The following MYOM1 variants were observed in gnomAD, a reference collection of about 807,000 sequenced individuals.
MYOM1 encodes the protein myomesin 1.
In MYOM1, 164 loss-of-function variants were observed where a neutral mutation model predicts 205.3. The ratio of observed to expected loss-of-function variants is 0.80; its 90% CI spans 0.70 to 0.91. The LOEUF is 0.91. Among genes scored for constraint, MYOM1 ranks in the 40% least tolerant of loss-of-function variants. MYOM1 has a pLI of 0.00. For missense variants in MYOM1, 2,011 were observed against 2,127.3 expected (o/e 0.95, Z 1.08); for synonymous variants, 772 against 789.4 (o/e 0.98, Z 0.37).
intron 30 of MYOM1, 88 bp downstream of exon 30, chr18:3,085,950 G>T: frequency 1.3e-6 from 1 of 768,824 alleles, no homozygotes. Context: ...CCCTGGTCAT[G>T]AAAGGAATAC....
intron 19 of MYOM1, among the ~76,000 whole-genome samples, chr18:3,122,640 T>C (rs1409820013): frequency 6.6e-6 from 1 of 152,186 alleles, no homozygotes. Context: ...GCAAAAATCC[T>C]AAACGATAAT....
At chr18:3,241,332 C>T in the MYOM1 span, among the ~76,000 whole-genome samples, 1 of 152,142 alleles carries the variant, frequency 6.6e-6, no homozygotes, top group Non-Finnish European at 1.5e-5. Flanking sequence ...CTGCAGGCAG[C>T]CTAGGGACTT....
At chr18:3,242,023 A>C in the MYOM1 span, among the ~76,000 whole-genome samples, 1 of 152,308 alleles carries the variant, frequency 6.6e-6, no homozygotes, top group Middle Eastern at 3.4e-3. Flanking sequence ...GTATCTAGGA[A>C]GTAACTAACT....
At chr18:3,099,126 G>A (rs910735168) in intron 25 of MYOM1, among the ~76,000 whole-genome samples, 1 of 152,156 alleles carries the variant, frequency 6.6e-6, no homozygotes, top group Non-Finnish European at 1.5e-5. Flanking sequence ...GCCAAAGTTG[G>A]TTTTGAGAAC....
In MYOM1 at chr18:3,157,846, G is replaced by A. The variant is rs558893977; in HGVS notation, c.1502-2758C>T. ...GCTTCTAGCAGCTGCTACACAGTGTGGGGCCCACAGCACCCTTCAGACAAC... is the reference window on the plus strand; with the variant it reads ...GCTTCTAGCAGCTGCTACACAGTGTAGGGCCCACAGCACCCTTCAGACAAC... On this transcript the variant is annotated intron_variant, in intron 10 of 37. Coordinates refer to ENST00000356443, the MANE Select transcript of MYOM1 (RefSeq NM_003803.4). Among the ~76,000 whole-genome samples, 11 of 151,940 alleles carry A rather than the reference G, an allele frequency of 7.2e-5. No homozygotes were observed. The East Asian group carries it at 2.1e-3, about 29-fold the overall frequency.
chr18:3,233,981 A>AT, the MYOM1 span, among the ~76,000 whole-genome samples: 1 of 152,232 alleles, frequency 6.6e-6, no homozygotes, highest in African/African-American at 2.4e-5. Context: ...CAGGCTTTGA[A>AT]GTTATACAGA....
intron 4 of MYOM1, among the ~76,000 whole-genome samples, chr18:3,187,853 TTTTC>T (rs1489183322): frequency 0.015 from 2,235 of 150,416 alleles, 49 homozygotes; most frequent in African/African-American, 0.05. Context: ...TTTGATTTCT[TTTTC>T]TTTTTTTTTT....
At chr18:3,070,696 GT>G (rs1330535012) in intron 37 of MYOM1, among the ~76,000 whole-genome samples, 2 of 151,626 alleles carry the variant, frequency 1.3e-5, no homozygotes, top group Non-Finnish European at 2.9e-5. Context: ...GGTTACATCA[GT>G]TTAAAACCAA....
At chr18:3,195,831 T>G (rs1057408175) in intron 2 of MYOM1, among the ~76,000 whole-genome samples, 5 of 152,286 alleles carry the variant, frequency 3.3e-5, no homozygotes, top group African/African-American at 1.2e-4. Flanking sequence ...TTCTCACAAG[T>G]AAATCACAGG....
At chr18:3,142,613 CTTCTT>C (rs1243929819) in intron 13 of MYOM1, among the ~76,000 whole-genome samples, 1 of 151,850 alleles carries the variant, frequency 6.6e-6, no homozygotes, top group Non-Finnish European at 1.5e-5. Context: ...CTAGGATACT[CTTCTT>C]ATCTTTAAAT....
intron 10 of MYOM1, among the ~76,000 whole-genome samples, chr18:3,163,589 A>G (rs1014945588): frequency 3.9e-5 from 6 of 152,038 alleles, no homozygotes; most frequent in Admixed American, 3.9e-4. Flanking sequence ...AGTAGCTGAG[A>G]CTACAAGCGC....
chr18:3,180,336 G>A (rs914517339), intron 5 of MYOM1, among the ~76,000 whole-genome samples: 1 of 152,086 alleles, frequency 6.6e-6, no homozygotes, highest in Non-Finnish European at 1.5e-5. Context: ...AGAGCTTGTA[G>A]TCTTTTCTCT....
At position 3,174,118 on chromosome 18, in the gene MYOM1, ACTT is replaced by A; in HGVS notation, c.1110_1111+1del. On this transcript the variant is annotated splice_donor_variant and coding_sequence_variant, in exon 7 of 38. Coordinates refer to ENST00000356443, the MANE Select transcript of MYOM1 (RefSeq NM_003803.4). LOFTEE classifies it high-confidence loss of function. ...TGAAGAAAACAAATCTAGCAAACCT[ACTT>A]TTTACCACAACTGAAGCATATGCCG... 1 of 1,613,964 alleles carries A rather than the reference ACTT, an allele frequency of 6.2e-7. No homozygotes were observed. The highest frequency in any genetic ancestry group is 8.5e-7 in the Non-Finnish European group (1 of 1,179,840).
chr18:3,221,578 A>G (rs58137542), upstream of MYOM1, among the ~76,000 whole-genome samples: 1,168 of 152,372 alleles, frequency 7.7e-3, 18 homozygotes, highest in African/African-American at 0.026. Flanking sequence ...AACTTCATTC[A>G]GAGACATTTG....
In MYOM1 at chr18:3,135,343, T is replaced by C. The variant is rs1194175436; in HGVS notation, c.2209+204A>G. On this transcript the variant is annotated intron_variant, in intron 15 of 37. Transcript: ENST00000356443. The surrounding 1 kb of genome is among the most constrained non-coding windows in gnomAD (Gnocchi z 4.1). ...AACTTCAGAAAAAACACATTATCAA[T>C]ATTGTTGAAACTCCCAAAGAAGTTT... 2.3e-5 allele frequency: 11 copies of C among 486,350 alleles called. 1 individual carries two copies. Among genetic ancestry groups the C allele is most frequent in the Admixed American group, 1.4e-4 (4 of 28,076 alleles). The allele number at this position is 486,350 out of a possible 1,614,324, so 30.1% of individuals were successfully genotyped here.
intron 34 of MYOM1, among the ~76,000 whole-genome samples, chr18:3,077,216 G>C (rs1413609692): frequency 6.6e-6 from 1 of 151,672 alleles, no homozygotes; most frequent in Admixed American, 6.6e-5. Flanking sequence ...ACAGGGTCTT[G>C]CGATGTTGTC....
At chr18:3,136,162 T>C (rs1006810508) in intron 14 of MYOM1, among the ~76,000 whole-genome samples, 10 of 152,214 alleles carry the variant, frequency 6.6e-5, no homozygotes, top group Non-Finnish European at 1.3e-4. Context: ...CCTTTCGCCT[T>C]CCACCATGAT....
chr18:3,206,254 T>G (rs1422225651), intron 2 of MYOM1, among the ~76,000 whole-genome samples: 1 of 152,258 alleles, frequency 6.6e-6, no homozygotes, highest in Non-Finnish European at 1.5e-5. Context: ...ATTCATTTTT[T>G]CTATTCTAAA....
intron 14 of MYOM1, among the ~76,000 whole-genome samples, chr18:3,137,804 A>G (rs1598712595): frequency 2.0e-5 from 3 of 152,300 alleles, no homozygotes; most frequent in East Asian, 3.9e-4. Flanking sequence ...TACCTAAAAG[A>G]TAAGATTTGG....
Sources: gnomAD v4.1 joint callset for allele counts (sites outside exome capture counted in the v4.1 genomes callset) on GRCh38, gnomAD v4.1.1 for gene constraint, Gnocchi (gnomAD v3.1) non-coding constraint, MANE v1.5 for transcripts, NCBI Gene and HGNC (gene_info 2026-07-23, HGNC 2026-07-21) for gene names.